Variants in ATAT1 observed in about 807,000 individuals in gnomAD.
ATAT1 encodes the protein alpha-tubulin N-acetyltransferase 1.
A neutral mutation model predicts 57.2 loss-of-function variants in ATAT1; 42 were observed. The observed-to-expected ratio is 0.73, with a 90% CI of 0.57 to 0.95. The LOEUF is 0.95. ATAT1 is among the 40% of genes least tolerant of loss of function. The probability of loss-of-function intolerance (pLI) is 0.00; values close to 1 mark genes in which losing one functional copy is unlikely to be tolerated. For missense variants in ATAT1, 454 were observed against 523.7 expected (o/e 0.87, Z 1.30); for synonymous variants, 168 against 187.1 (o/e 0.90, Z 0.83).
rs114036593 is a variant in ATAT1 at position 30,630,105 on chromosome 6, C to T, written c.501+1675C>T. Among the ~76,000 whole-genome samples the T allele has an allele frequency of 6.9e-3, 1,057 of 152,090 alleles. 11 individuals are homozygous for T. The highest frequency in any genetic ancestry group is 0.022 in the African/African-American group (924 of 41,498). ...TTCTGGGCACTAGGAATGGTTTACT[C>T]AATGAAACAGACAACAGCCTGGGCA... On this transcript the variant is annotated intron_variant, in intron 6 of 12. Transcript: ENST00000330083.
chr6:30,626,911 C>A lies in ATAT1; in HGVS notation c.-293C>A, dbSNP rs1761773129. On this transcript the variant is annotated 5_prime_UTR_variant, in exon 1 of 13. Coordinates refer to ENST00000330083, the MANE Select transcript of ATAT1 (RefSeq NM_001031722.4). ...ATGGAGTTCCCGTTCGATGTGGACG[C>A]GCTGTTCCCGGAGCGGATCACGGTG... 1 of 1,608,746 alleles carries A rather than the reference C, an allele frequency of 6.2e-7. No homozygotes were observed. The highest frequency in any genetic ancestry group is 8.5e-7 in the Non-Finnish European group (1 of 1,178,418).
At chr6:30,630,584 C>G (rs904828763) in intron 6 of ATAT1, among the ~76,000 whole-genome samples, 19 of 151,458 alleles carry the variant, frequency 1.3e-4, no homozygotes, top group African/African-American at 3.6e-4. Flanking sequence ...TGCAGTGAAC[C>G]AAGATTGCAC....
In ATAT1 at chr6:30,626,910, G is replaced by A. The variant is rs145947766; in HGVS notation, c.-294G>A. On this transcript the variant is annotated 5_prime_UTR_variant, in exon 1 of 13. Coordinates refer to ENST00000330083, the MANE Select transcript of ATAT1 (RefSeq NM_001031722.4). ...CATGGAGTTCCCGTTCGATGTGGAC[G>A]CGCTGTTCCCGGAGCGGATCACGGT... 28 of 1,608,556 alleles carry A rather than the reference G, an allele frequency of 1.7e-5. No individual in the cohort carries two copies. Among genetic ancestry groups the A allele is most frequent in the East Asian group, 2.2e-5 (1 of 44,680 alleles).
intron 10 of ATAT1, 191 bp downstream of exon 10, chr6:30,643,202 G>A: frequency 7.0e-7 from 1 of 1,437,616 alleles, no homozygotes; most frequent in Non-Finnish European, 9.1e-7. Flanking sequence ...AGCAGAATAG[G>A]ACCTTATATG....
chr6:30,635,521 G>A (rs1763871780), intron 6 of ATAT1, among the ~76,000 whole-genome samples: 1 of 151,776 alleles, frequency 6.6e-6, no homozygotes, highest in Non-Finnish European at 1.5e-5. Context: ...TCTGGGAGGT[G>A]GAGGTTGCAG....
chr6:30,627,056 A>G lies in ATAT1; in HGVS notation c.-148A>G, dbSNP rs898244675. ...GTTCCTCTCCAAACCTGGTCCAGGCACCACGCCCCCTTCTCACTGACTAGT... is the reference window on the plus strand; with the variant it reads ...GTTCCTCTCCAAACCTGGTCCAGGCGCCACGCCCCCTTCTCACTGACTAGT... On this transcript the variant is annotated 5_prime_UTR_variant, in exon 1 of 13. Coordinates refer to ENST00000330083, the MANE Select transcript of ATAT1 (RefSeq NM_001031722.4). 3.2e-6 allele frequency: 5 copies of G among 1,548,260 alleles called. No individual in the cohort carries two copies. The highest frequency in any genetic ancestry group is 2.7e-5 in the African/African-American group (2 of 73,222).
chr6:30,638,295 T>C (rs928984380), intron 6 of ATAT1, among the ~76,000 whole-genome samples: 3 of 151,962 alleles, frequency 2.0e-5, no homozygotes, highest in African/African-American at 4.8e-5. Context: ...CCAGCCCCCA[T>C]TAAACTTTTT....
rs556136626 is a variant in ATAT1 at position 30,644,380 on chromosome 6, C to T, written c.932+1369C>T. 7 of 985,842 alleles carry T rather than the reference C, an allele frequency of 7.1e-6. No homozygotes were observed. The South Asian group carries it at 1.4e-4, about 20-fold the overall frequency. 61.1% of individuals were successfully genotyped at this position (985,842 alleles called of 1,614,324 possible). A position where few individuals can be genotyped will look rare whatever the true frequency, so the allele number is the denominator to read the frequency against. ...ATATACTCCTGTCTTGTGAGATTGTCGAGATGAGATGGGGGACCACTCTTC... is the reference window on the plus strand; with the variant it reads ...ATATACTCCTGTCTTGTGAGATTGTTGAGATGAGATGGGGGACCACTCTTC... On this transcript the variant is annotated intron_variant, in intron 10 of 12. Coordinates refer to ENST00000330083, the MANE Select transcript of ATAT1 (RefSeq NM_001031722.4).
rs749408487 is a variant in ATAT1 at position 30,643,009 on chromosome 6, C to T, written c.930C>T (p.Thr310=). The T allele has an allele frequency of 6.2e-7, 1 of 1,611,614 alleles. No individual in the cohort carries two copies. The highest frequency in any genetic ancestry group is 8.5e-7 in the Non-Finnish European group (1 of 1,178,866). The change falls in exon 10 of 13, where the codon ACC becomes ACT. Residue 310 remains threonine, a splice_region_variant and synonymous_variant. Transcript: ENST00000330083. ...GCAGCCCAGCTCAACGTCGTCGCACCAGGTAATAGGAGTTGAAGGGCTAAG... is the reference window on the plus strand; with the variant it reads ...GCAGCCCAGCTCAACGTCGTCGCACTAGGTAATAGGAGTTGAAGGGCTAAG...
chr6:30,642,833 G>GGGGGGCGGCGCCCCCCCCCCCCCCC lies in ATAT1; in HGVS notation c.754_755insGGGGGCGGCGCCCCCCCCCCCCCCC (p.Ala252GlyfsTer56). The GGGGGGCGGCGCCCCCCCCCCCCCCC allele has an allele frequency of 6.5e-7, 1 of 1,537,878 alleles. No homozygotes were observed. On this transcript the variant is annotated frameshift_variant, in exon 10 of 13. Transcript: ENST00000330083. LOFTEE classifies it high-confidence loss of function. ...GGCCCCTCGCCGCGCCACACCTCCA[G>GGGGGGCGGCGCCCCCCCCCCCCCCC]CCCACCCACCCCCCCGCTCCAGCAG... is the stretch of plus-strand genomic sequence containing the variant.
Position 30,628,354 on chromosome 6 carries a change from T to G in ATAT1, c.425T>G (p.Leu142Arg). Residue 142 changes from leucine (L) to arginine (R), a missense_variant, in exon 6 of 13, where the codon CTG becomes CGG. This residue lies in a region of ATAT1 where 236 missense variants were observed against 284.5 expected (regional missense o/e 0.83). Transcript: ENST00000330083. ...AAGGAGCGAGTGGAACCGCACCAAC[T>G]GGCAATTGACCGACCCTCACAGAAG... The G allele has an allele frequency of 6.2e-7, 1 of 1,613,068 alleles. No individual in the cohort carries two copies. The highest frequency in any genetic ancestry group is 8.5e-7 in the Non-Finnish European group (1 of 1,180,040).
intron 6 of ATAT1, among the ~76,000 whole-genome samples, chr6:30,639,840 T>C (rs1465950968): frequency 2.0e-5 from 3 of 152,080 alleles, no homozygotes; most frequent in Non-Finnish European, 2.9e-5. Context: ...TATGTTAGAA[T>C]TGCCTACAGC....
chr6:30,627,742 C>T lies in ATAT1; in HGVS notation c.224+15C>T, dbSNP rs1761980827. ...TCAGCCCGACCGTGAGTGCCACATG[C>T]TCTTCCATCCCATACTTAATTCCTT... On this transcript the variant is annotated intron_variant, in intron 3 of 12. Coordinates refer to ENST00000330083, the MANE Select transcript of ATAT1 (RefSeq NM_001031722.4). 4 of 1,609,542 alleles carry T rather than the reference C, an allele frequency of 2.5e-6. No individual in the cohort carries two copies. Among genetic ancestry groups the T allele is most frequent in the Admixed American group, 3.3e-5 (2 of 60,004 alleles).
At chr6:30,644,349 G>A (rs2127555432) in intron 10 of ATAT1, 1 of 985,768 alleles carries the variant, frequency 1.0e-6, no homozygotes, top group Non-Finnish European at 1.2e-6. Flanking sequence ...TGGTAGCTAG[G>A]TCCCGATATA....
At chr6:30,643,357 G>A in intron 10 of ATAT1, 1 of 1,448,258 alleles carries the variant, frequency 6.9e-7, no homozygotes, top group Non-Finnish European at 9.1e-7. Context: ...GTGTCTGACA[G>A]AGAGTGGGAA....
At chr6:30,643,048 A>G (rs764649613) in intron 10 of ATAT1, 37 bp downstream of exon 10, 1 of 1,561,596 alleles carries the variant, frequency 6.4e-7, no homozygotes, top group Non-Finnish European at 8.7e-7. Context: ...CCTCACAGCT[A>G]TAAAAGAGGA....
Position 30,626,963 on chromosome 6 carries a change from C to T in ATAT1, c.-241C>T, listed in dbSNP as rs1389043249. ...TGGACCAGCACCTGAGGCCCCCAGC[C>T]CGCCGACCCGGAACCACAACGCCGG... is the stretch of plus-strand genomic sequence containing the variant. On this transcript the variant is annotated 5_prime_UTR_variant, in exon 1 of 13. Coordinates refer to ENST00000330083, the MANE Select transcript of ATAT1 (RefSeq NM_001031722.4). 1.9e-6 allele frequency: 3 copies of T among 1,604,696 alleles called. No individual in the cohort carries two copies. The African/African-American group carries it at 4.0e-5, about 21-fold the overall frequency.
chr6:30,639,635 T>C (rs1391433970), intron 6 of ATAT1, among the ~76,000 whole-genome samples: 1 of 151,784 alleles, frequency 6.6e-6, no homozygotes, highest in African/African-American at 2.4e-5. Flanking sequence ...CGCCACCACA[T>C]CCGGCTAATT....
At chr6:30,643,826 G>C (rs1766061812) in intron 10 of ATAT1, 3 of 1,320,944 alleles carry the variant, frequency 2.3e-6, no homozygotes, top group Non-Finnish European at 2.9e-6. Context: ...CTGATCTGTT[G>C]CCAGACTTCT....
Sources: allele counts gnomAD v4.1 joint callset (sites outside exome capture counted in the v4.1 genomes callset), GRCh38; gene constraint gnomAD v4.1.1; regional missense constraint gnomAD v4.1.1; transcripts MANE v1.5; gene names NCBI Gene and HGNC (gene_info 2026-07-23, HGNC 2026-07-21).